The following CRYZL1 variants were observed in gnomAD, a reference collection of about 807,000 sequenced individuals.
The protein encoded by CRYZL1 is ferry endosomal RAB5 effector complex subunit 4.
CRYZL1 carries 34 observed loss-of-function variants against 50.6 expected under a neutral mutation model. The observed-to-expected ratio is 0.67, with a 90% CI of 0.51 to 0.89. The LOEUF (loss-of-function observed/expected upper bound fraction) is 0.89, where lower values mean the gene tolerates loss of function less well. Among genes scored for constraint, CRYZL1 ranks in the 40% least tolerant of loss-of-function variants. The pLI is 0.00. For missense variants in CRYZL1, 354 were observed against 402.3 expected, an observed-to-expected ratio of 0.88 and a Z score of 1.03; for synonymous variants, 125 against 134.3, an observed-to-expected ratio of 0.93 and a Z score of 0.48.
At chr21:33,615,629 G>C (rs1391723228) in intron 5 of CRYZL1, among the ~76,000 whole-genome samples, 2 of 152,122 alleles carry the variant, frequency 1.3e-5, no homozygotes, top group Non-Finnish European at 2.9e-5. Flanking sequence ...GACTGTCTAG[G>C]ACACAGGTTG....
At position 33,631,467 on chromosome 21, in the gene CRYZL1, A is replaced by G; in HGVS notation, c.66+19T>C. ...TAAAAATACACTAACTACTTTAATG[A>G]TTAAACATTTTTTCTTACCTTTTCT... On this transcript the variant is annotated intron_variant, in intron 2 of 12. Coordinates refer to ENST00000381554, the MANE Select transcript of CRYZL1 (RefSeq NM_145858.3). The G allele has an allele frequency of 6.7e-7, 1 of 1,482,848 alleles. No homozygotes were observed. The highest frequency in any genetic ancestry group is 9.0e-7 in the Non-Finnish European group (1 of 1,108,894). 91.9% of individuals were successfully genotyped at this position (1,482,848 alleles called of 1,614,324 possible).
At chr21:33,611,345 A>C (rs1190870747) in intron 6 of CRYZL1, among the ~76,000 whole-genome samples, 1 of 152,224 alleles carries the variant, frequency 6.6e-6, no homozygotes, top group Non-Finnish European at 1.5e-5. Flanking sequence ...CAATAAGTGC[A>C]GCCCTCAGAT....
chr21:33,593,385 C>T (rs757254395), intron 11 of CRYZL1, among the ~76,000 whole-genome samples: 6 of 151,954 alleles, frequency 3.9e-5, no homozygotes, highest in Non-Finnish European at 7.4e-5. Context: ...GGATTACAGG[C>T]GTGAGCCACC....
chr21:33,595,780 C>G lies in CRYZL1; in HGVS notation c.855G>C (p.Leu285=). 1 of 1,614,132 alleles carries G rather than the reference C, an allele frequency of 6.2e-7. No homozygotes were observed. Among genetic ancestry groups the G allele is most frequent in the Non-Finnish European group, 8.5e-7 (1 of 1,179,980 alleles). Residue 285 remains leucine (L), a synonymous_variant, in exon 11 of 13, where the codon CTG becomes CTC. Transcript: ENST00000381554. ...LFLKGATLAF[L]NDEVWNLSNV... ...TTGACAAATTCCAAACTTCATCATT[C>G]AGGAAAGCTAACGTTGCTCCCTTGA...
intron 11 of CRYZL1, among the ~76,000 whole-genome samples, chr21:33,592,337 A>G (rs992620432): frequency 6.6e-6 from 1 of 151,768 alleles, no homozygotes; most frequent in African/African-American, 2.4e-5. Flanking sequence ...GGGTCTCCCT[A>G]TGTTGCCCGG....
At chr21:33,599,544 C>T (rs1454901154) in intron 8 of CRYZL1, among the ~76,000 whole-genome samples, 1 of 152,096 alleles carries the variant, frequency 6.6e-6, no homozygotes, top group East Asian at 1.9e-4. Flanking sequence ...GAGCACTATT[C>T]TCTACAGTTA....
At chr21:33,595,303 G>T in intron 11 of CRYZL1, 1 of 1,044,642 alleles carries the variant, frequency 9.6e-7, no homozygotes, top group Non-Finnish European at 1.3e-6. Context: ...ATTTAGAAAA[G>T]TATTCTGAAA....
intron 6 of CRYZL1, among the ~76,000 whole-genome samples, chr21:33,605,912 A>ATGAT (rs2086809217): frequency 6.6e-6 from 1 of 152,114 alleles, no homozygotes; most frequent in African/African-American, 2.4e-5. Context: ...TCTAGTAGCA[A>ATGAT]TGATTCATGT....
At chr21:33,617,897 A>G (rs1356860473) in intron 4 of CRYZL1, among the ~76,000 whole-genome samples, 1 of 152,158 alleles carries the variant, frequency 6.6e-6, no homozygotes, top group Non-Finnish European at 1.5e-5. Flanking sequence ...AATTGGGCAT[A>G]AGATGAGGGG....
At chr21:33,627,637 G>A (rs532624572) in intron 2 of CRYZL1, among the ~76,000 whole-genome samples, 2 of 151,294 alleles carry the variant, frequency 1.3e-5, no homozygotes, top group East Asian at 1.9e-4. Context: ...ATGAATATGA[G>A]TGATCATTTA....
chr21:33,591,891 G>A (rs1395870262), intron 11 of CRYZL1, among the ~76,000 whole-genome samples: 1 of 151,540 alleles, frequency 6.6e-6, no homozygotes, highest in East Asian at 1.9e-4. Flanking sequence ...ACATGGGTTT[G>A]AGGTTACAGT....
Position 33,589,902 on chromosome 21 carries a change from T to C in CRYZL1, c.970A>G (p.Ile324Val). 2 of 1,604,996 alleles carry C rather than the reference T, an allele frequency of 1.2e-6. No homozygotes were observed. The highest frequency in any genetic ancestry group is 1.7e-6 in the Non-Finnish European group (2 of 1,175,922). ...GVFRPQLDEP[I>V]PLYEAKVSME... ...GAAACTTTTGCCTCATACAGTGGAA[T>C]GGGTTCATCCAACTGAGGTCTGAGA... is the stretch of plus-strand genomic sequence containing the variant. The change falls in exon 13 of 13, where the codon ATT becomes GTT. Residue 324 changes from isoleucine (I) to valine (V), a missense_variant. Transcript: ENST00000381554.
At chr21:33,624,464 G>C (rs1045553452) in intron 3 of CRYZL1, among the ~76,000 whole-genome samples, 5 of 152,170 alleles carry the variant, frequency 3.3e-5, no homozygotes, top group Non-Finnish European at 5.9e-5. Flanking sequence ...CAGGAGAATT[G>C]CTTGAACCCA....
intron 2 of CRYZL1, among the ~76,000 whole-genome samples, chr21:33,626,971 TCA>T (rs1282912104): frequency 3.3e-5 from 5 of 152,194 alleles, no homozygotes; most frequent in Non-Finnish European, 7.3e-5. Context: ...TCTTTTTAAA[TCA>T]CAGTTTTGAC....
At chr21:33,603,190 C>G (rs1402572733) in intron 7 of CRYZL1, 1 of 508,798 alleles carries the variant, frequency 2.0e-6, no homozygotes, top group Non-Finnish European at 3.5e-6. Flanking sequence ...TTTTAATGTA[C>G]CAGCAGATTC....
At chr21:33,624,050 A>G (rs1324956817) in intron 3 of CRYZL1, among the ~76,000 whole-genome samples, 1 of 152,134 alleles carries the variant, frequency 6.6e-6, no homozygotes, top group East Asian at 1.9e-4. Context: ...CTTCCTTAAT[A>G]ATAGGCTTTG....
At chr21:33,610,672 A>C (rs2086862018) in intron 6 of CRYZL1, among the ~76,000 whole-genome samples, 1 of 148,782 alleles carries the variant, frequency 6.7e-6, no homozygotes, top group South Asian at 2.1e-4. Context: ...CTTCTGGTCC[A>C]TGTCATAATT....
At chr21:33,597,491 A>G in intron 9 of CRYZL1, 90 bp from the exon 10 acceptor site, 1 of 1,047,278 alleles carries the variant, frequency 9.5e-7, no homozygotes, top group Non-Finnish European at 1.4e-6. Context: ...ACAAGTTCTT[A>G]TTTATTTAGA....
At chr21:33,591,370 C>G in intron 11 of CRYZL1, 163 bp from the exon 12 acceptor site, 1 of 631,750 alleles carries the variant, frequency 1.6e-6, no homozygotes, top group South Asian at 1.9e-5. Flanking sequence ...TCAAGTTTAG[C>G]TCTACAACAG....
Sources: allele counts gnomAD v4.1 joint callset (sites outside exome capture counted in the v4.1 genomes callset), GRCh38; gene constraint gnomAD v4.1.1; transcripts MANE v1.5; gene names NCBI Gene and HGNC (gene_info 2026-07-23, HGNC 2026-07-21).